Variants in OAS3 observed in about 807,000 individuals in gnomAD.
OAS3 encodes 2'-5'-oligoadenylate synthase 3.
A neutral mutation model predicts 113.0 loss-of-function variants in OAS3; 107 were observed. The observed-to-expected ratio is 0.95, with a 90% CI of 0.81 to 1.11. The LOEUF (loss-of-function observed/expected upper bound fraction) is 1.11, where lower values mean the gene tolerates loss of function less well. Among genes scored for constraint, OAS3 ranks in the 50% most tolerant of loss-of-function variants. The pLI is 0.00. For synonymous variants in OAS3, 552 were observed against 573.6 expected (o/e 0.96, Z 0.54); for missense variants, 1,258 against 1,389.1 (o/e 0.91, Z 1.50).
At chr12:112,968,961 A>G (rs1167779193) in intron 14 of OAS3, among the ~76,000 whole-genome samples, 1 of 152,230 alleles carries the variant, frequency 6.6e-6, no homozygotes, top group Non-Finnish European at 1.5e-5. Flanking sequence ...ATGCATCTCC[A>G]GTCAGTGGGG....
Position 112,967,510 on chromosome 12 carries a change from A to G in OAS3, c.2782A>G (p.Thr928Ala), listed in dbSNP as rs1163774631. 6.2e-7 allele frequency: 1 copy of G among 1,613,720 alleles called. No homozygotes were observed. The highest frequency in any genetic ancestry group is 8.5e-7 in the Non-Finnish European group (1 of 1,179,852). The change falls in exon 13 of 16, where the codon ACA becomes GCA. Residue 928 changes from threonine (T) to alanine (A), a missense_variant. Coordinates refer to ENST00000228928, the MANE Select transcript of OAS3 (RefSeq NM_006187.4). ...SNAGEYSTCF[T>A]ELQRDFIISR... ...TGCGGGCGAGTACTCCACCTGCTTC[A>G]CAGAGCTACAACGGGACTTCATCAT...
In OAS3 at chr12:112,964,170, G is replaced by A. The variant is rs957909; in HGVS notation, c.2230-65G>A. On this transcript the variant is annotated intron_variant, in intron 10 of 15. Coordinates refer to ENST00000228928, the MANE Select transcript of OAS3 (RefSeq NM_006187.4). ...GTCTTGTCCTCAGAGGACATCAAGG[G>A]GCAGGGCTTGGGTGAGCACTGGGAG... is the stretch of plus-strand genomic sequence containing the variant. 1,643 of 1,492,390 alleles carry A rather than the reference G, an allele frequency of 1.1e-3. 19 individuals are homozygous for A. The African/African-American group carries it at 0.017, about 16-fold the overall frequency. 92.4% of individuals were successfully genotyped at this position (1,492,390 alleles called of 1,614,324 possible).
Position 112,946,891 on chromosome 12 carries a change from A to G in OAS3, c.785A>G (p.His262Arg). 6.2e-7 allele frequency: 1 copy of G among 1,614,068 alleles called. No individual in the cohort carries two copies. The highest frequency in any genetic ancestry group is 8.5e-7 in the Non-Finnish European group (1 of 1,179,912). ...ACTGTCCTGGGCCTGATCCAACAGC[A>G]TCAGCACCTGTGTGTTTTCTGGACT... ...LRTVLGLIQQHQHLCVFWTVN... is the reference protein window; with the variant it reads ...LRTVLGLIQQRQHLCVFWTVN... The change falls in exon 4 of 16, where the codon CAT becomes CGT. Residue 262 changes from histidine to arginine, a missense_variant. By Grantham distance (29) the His-to-Arg change is conservative. Transcript: ENST00000228928.
chr12:112,946,723 C>G lies in OAS3; in HGVS notation c.637-20C>G. 10 of 1,584,678 alleles carry G rather than the reference C, an allele frequency of 6.3e-6. No homozygotes were observed. Among genetic ancestry groups the G allele is most frequent in the Non-Finnish European group, 8.6e-6 (10 of 1,163,630 alleles). ...CCTCCCCTTCTTCCTTCTGAGTCCC[C>G]TGCCGATGCCCTCTCACAGGTGTGC... is the stretch of plus-strand genomic sequence containing the variant. On this transcript the variant is annotated intron_variant, in intron 3 of 15. Coordinates refer to ENST00000228928, the MANE Select transcript of OAS3 (RefSeq NM_006187.4).
rs2043980152 is a variant in OAS3, at chr12:112,971,096, C to T, written c.*1123C>T. 1 of 152,374 alleles carries T rather than the reference C, an allele frequency of 6.6e-6. No individual in the cohort carries two copies. Among genetic ancestry groups the T allele is most frequent in the African/African-American group, 2.4e-5 (1 of 41,452 alleles). 9.4% of individuals were successfully genotyped at this position (152,374 alleles called of 1,614,324 possible). On this transcript the variant is annotated 3_prime_UTR_variant, in exon 16 of 16. Transcript: ENST00000228928. ...ACTAGTCAAGGTTCAGCCCAGAAAA[C>T]AGAAAGCACTCTAGGAATCTTAGGC...
chr12:112,946,313 C>T (rs1034644447), intron 3 of OAS3, among the ~76,000 whole-genome samples: 1 of 152,092 alleles, frequency 6.6e-6, no homozygotes, highest in East Asian at 1.9e-4. Context: ...GGGGGATAGA[C>T]GGCTGGAGTG....
chr12:112,955,358 G>A (rs146291611), intron 7 of OAS3, among the ~76,000 whole-genome samples: 1 of 152,180 alleles, frequency 6.6e-6, no homozygotes, highest in South Asian at 2.1e-4. Context: ...CCAACACTAT[G>A]TTGAATAGGA....
At position 112,970,510 on chromosome 12, in the gene OAS3, T is replaced by G. The variant is rs1239782147; in HGVS notation, c.*537T>G. 1 of 165,148 alleles carries G rather than the reference T, an allele frequency of 6.1e-6. No homozygotes were observed. Among genetic ancestry groups the G allele is most frequent in the African/African-American group, 2.4e-5 (1 of 41,650 alleles). The allele number at this position is 165,148 out of a possible 1,614,324, so 10.2% of individuals were successfully genotyped here. On this transcript the variant is annotated 3_prime_UTR_variant, in exon 16 of 16. Transcript: ENST00000228928. ...TGAAGGGTTTTAAAGAATGGCCAAT[T>G]AGCTGAGAAGAATTATCTAATCAAT...
rs1318006662 is a variant in OAS3, at chr12:112,947,000, C to G, written c.875+19C>G. The G allele has an allele frequency of 2.5e-6, 4 of 1,595,798 alleles. No individual in the cohort carries two copies. Among genetic ancestry groups the G allele is most frequent in the Non-Finnish European group, 2.6e-6 (3 of 1,163,694 alleles). ...GACCCAGGTACTTCCTAATAGCCCA[C>G]CATCTGCTCTCCTGTCCCGGGGCCA... On this transcript the variant is annotated intron_variant, in intron 4 of 15. Transcript: ENST00000228928.
rs1380792749 is a variant in OAS3, at chr12:112,973,137, A to G, written c.*3164A>G. 5 of 152,188 alleles carry G rather than the reference A, an allele frequency of 3.3e-5. No individual in the cohort carries two copies. Among genetic ancestry groups the G allele is most frequent in the African/African-American group, 1.2e-4 (5 of 41,448 alleles). The allele number at this position is 152,188 out of a possible 1,614,324, so 9.4% of individuals were successfully genotyped here. ...ACCCTAAAAGGAAACCCTGAAACCCATTAGCAGTCATTCCCCATTCCTCCA... is the reference window on the plus strand; with the variant it reads ...ACCCTAAAAGGAAACCCTGAAACCCGTTAGCAGTCATTCCCCATTCCTCCA... On this transcript the variant is annotated 3_prime_UTR_variant, in exon 16 of 16. Transcript: ENST00000228928.
At chr12:112,967,221 T>C (rs2043941740) in intron 12 of OAS3, among the ~76,000 whole-genome samples, 197 bp from the exon 13 acceptor site, 1 of 152,184 alleles carries the variant, frequency 6.6e-6, no homozygotes, top group Admixed American at 6.5e-5. Flanking sequence ...AAAGGGAGGA[T>C]GACTGTCACC....
At chr12:112,969,502 A>T in intron 14 of OAS3, 106 bp from the exon 15 acceptor site, 1 of 1,343,756 alleles carries the variant, frequency 7.4e-7, no homozygotes, top group Non-Finnish European at 1.0e-6. Flanking sequence ...CCCTGGCTCT[A>T]GCCCCTGCAA....
intron 8 of OAS3, among the ~76,000 whole-genome samples, chr12:112,961,746 AGCAGAT>A (rs1287961377): frequency 6.6e-6 from 1 of 152,060 alleles, no homozygotes; most frequent in East Asian, 1.9e-4. Flanking sequence ...TGTGCCTGAA[AGCAGAT>A]CTACTCCAAG....
At chr12:112,959,077 T>C (rs2043860146) in intron 7 of OAS3, among the ~76,000 whole-genome samples, 1 of 152,214 alleles carries the variant, frequency 6.6e-6, no homozygotes, top group Admixed American at 6.5e-5. Context: ...GCTTCTGCCT[T>C]GCAGTTCAAT....
chr12:112,966,526 T>A (rs186261161), intron 12 of OAS3, among the ~76,000 whole-genome samples: 1 of 152,358 alleles, frequency 6.6e-6, no homozygotes, highest in Admixed American at 6.5e-5. Flanking sequence ...CACAACTCTC[T>A]TCATATCTTT....
chr12:112,942,192 G>T, intron 2 of OAS3: 12 of 506,398 alleles, frequency 2.4e-5, no homozygotes, highest in South Asian at 7.9e-5. Context: ...TAGCAGTAGG[G>T]GCCTGGGGAC....
At chr12:112,961,328 C>T (rs1565980372) in intron 8 of OAS3, 82 bp downstream of exon 8, 2 of 1,252,566 alleles carry the variant, frequency 1.6e-6, no homozygotes, top group East Asian at 2.5e-5. Flanking sequence ...TCTACACCCA[C>T]ATCTCCCCTC....
intron 7 of OAS3, among the ~76,000 whole-genome samples, chr12:112,952,001 G>A (rs1315661745): frequency 6.6e-6 from 1 of 152,192 alleles, no homozygotes; most frequent in Non-Finnish European, 1.5e-5. Flanking sequence ...GACAGAGTGA[G>A]ACTCTATCTC....
rs1252101592 is a variant in OAS3 at position 112,972,448 on chromosome 12, A to G, written c.*2475A>G. 4 of 152,198 alleles carry G rather than the reference A, an allele frequency of 2.6e-5. No homozygotes were observed. Among genetic ancestry groups the G allele is most frequent in the Non-Finnish European group, 5.9e-5 (4 of 68,038 alleles). 9.4% of individuals were successfully genotyped at this position (152,198 alleles called of 1,614,324 possible). On this transcript the variant is annotated 3_prime_UTR_variant, in exon 16 of 16. Transcript: ENST00000228928. ...TGCATAAAGATGTCAGTTCTCCCTG[A>G]GTTGATTGATAGGCTTAATGGTCAC...
Sources: gnomAD v4.1 joint callset for allele counts (sites outside exome capture counted in the v4.1 genomes callset) on GRCh38, gnomAD v4.1.1 for gene constraint, MANE v1.5 for transcripts, NCBI Gene and HGNC (gene_info 2026-07-23, HGNC 2026-07-21) for gene names.